Variants in SYT6 observed in about 807,000 individuals in gnomAD.
SYT6 encodes the protein synaptotagmin 6, also known as synaptotagmin-6.
SYT6 carries 24 observed loss-of-function variants against 38.4 expected under a neutral mutation model. The observed-to-expected ratio is 0.62, with a 90% CI of 0.45 to 0.88. The LOEUF (loss-of-function observed/expected upper bound fraction) is 0.88. SYT6 is among the 40% of genes least tolerant of loss of function. SYT6 has a pLI of 0.00. For synonymous variants in SYT6, 265 were observed against 241.9 expected, an observed-to-expected ratio of 1.10 and a Z score of -0.89; for missense variants, 611 against 621.0, an observed-to-expected ratio of 0.98 and a Z score of 0.17.
intron 3 of SYT6, among the ~76,000 whole-genome samples, chr1:114,135,146 G>A (rs536694425): frequency 1.9e-4 from 29 of 152,138 alleles, no homozygotes; most frequent in Non-Finnish European, 4.1e-4. Flanking sequence ...CTGAGCATGG[G>A]TGGGGCTCTG....
chr1:114,132,840 A>G (rs1411468659), intron 3 of SYT6, among the ~76,000 whole-genome samples: 1 of 152,190 alleles, frequency 6.6e-6, no homozygotes, highest in Non-Finnish European at 1.5e-5. Flanking sequence ...TAATAACAAT[A>G]GGACTAGAAG....
intron 1 of SYT6, chr1:114,152,766 C>G (rs1475991781): frequency 2.6e-5 from 4 of 152,244 alleles, no homozygotes; most frequent in Non-Finnish European, 4.4e-5. Flanking sequence ...CGGGACTCAC[C>G]CGCTCCGGCG....
At chr1:114,104,526 G>A (rs934383530) in intron 3 of SYT6, among the ~76,000 whole-genome samples, 23 of 152,280 alleles carry the variant, frequency 1.5e-4, no homozygotes, top group African/African-American at 4.8e-4. Context: ...TTTGATGAAG[G>A]AGGGCGCTGT....
chr1:114,136,238 T>C (rs1678476990), intron 3 of SYT6, among the ~76,000 whole-genome samples: 1 of 152,212 alleles, frequency 6.6e-6, no homozygotes, highest in African/African-American at 2.4e-5. Context: ...AGAGCAGGGC[T>C]GATTTTCCCA....
chr1:114,093,637 C>T, intron 7 of SYT6, 98 bp downstream of exon 7: 5 of 1,171,600 alleles, frequency 4.3e-6, no homozygotes, highest in Non-Finnish European at 6.1e-6. Flanking sequence ...CTTTCCACTC[C>T]ATCCTGCTGC....
rs201262651 is a variant in SYT6, at chr1:114,145,510, T to G, written c.164-5547A>C. On this transcript the variant is annotated intron_variant, in intron 1 of 7. Coordinates refer to ENST00000610222, the MANE Select transcript of SYT6 (RefSeq NM_001253772.2). Reference sequence around the variant, plus strand: ...TATATTGGAGGTATTAAGTTTTTTTTTTTTTTTTTTTTTTTTAACCTGTTA... The same window carrying G: ...TATATTGGAGGTATTAAGTTTTTTTGTTTTTTTTTTTTTTTTAACCTGTTA... Among the ~76,000 whole-genome samples, 34 of 115,586 alleles carry G rather than the reference T, an allele frequency of 2.9e-4. No homozygotes were observed. The East Asian group carries it at 3.1e-3, about 10-fold the overall frequency. 75.8% of individuals were successfully genotyped at this position (115,586 alleles called of 152,430 possible).
chr1:114,150,092 T>C (rs1489833164), intron 1 of SYT6, among the ~76,000 whole-genome samples: 2 of 152,156 alleles, frequency 1.3e-5, no homozygotes, highest in African/African-American at 4.8e-5. Context: ...TAAAGAAACC[T>C]GGTTTGATCC....
chr1:114,127,436 C>T (rs12033068), intron 3 of SYT6, among the ~76,000 whole-genome samples: 58,338 of 152,046 alleles, frequency 0.38, 11,356 homozygotes, highest in East Asian at 0.62. Flanking sequence ...AGCCTTGGCC[C>T]CTTGGGCAGT....
At chr1:114,147,687 A>T (rs1180345167) in intron 1 of SYT6, among the ~76,000 whole-genome samples, 1 of 152,174 alleles carries the variant, frequency 6.6e-6, no homozygotes, top group African/African-American at 2.4e-5. Flanking sequence ...TATCATCTTC[A>T]TTGCTTTCTA....
At chr1:114,144,790 A>T (rs536351350) in intron 1 of SYT6, among the ~76,000 whole-genome samples, 138 of 152,218 alleles carry the variant, frequency 9.1e-4, no homozygotes, top group African/African-American at 3.3e-3. Flanking sequence ...GCCAAGAAGG[A>T]GTTGAGGATA....
At chr1:114,148,970 G>A (rs913379180) in intron 1 of SYT6, among the ~76,000 whole-genome samples, 2 of 152,102 alleles carry the variant, frequency 1.3e-5, no homozygotes, top group African/African-American at 4.8e-5. Flanking sequence ...AAGTTGGAGT[G>A]GGGGCAGGCA....
chr1:114,148,064 C>A lies in SYT6; in HGVS notation c.163+5546G>T, dbSNP rs612868. Among the ~76,000 whole-genome samples, 1,439 of 152,276 alleles carry A rather than the reference C, an allele frequency of 9.4e-3. 24 individuals are homozygous for A. The highest frequency in any genetic ancestry group is 0.033 in the African/African-American group (1,383 of 41,558). On this transcript the variant is annotated intron_variant, in intron 1 of 7. Coordinates refer to ENST00000610222, the MANE Select transcript of SYT6 (RefSeq NM_001253772.2). ...TTCAAGGCCATCAGGATAGGATCTGCTTGTCACCTTAAATGAGACTGTCTG... is the reference window on the plus strand; with the variant it reads ...TTCAAGGCCATCAGGATAGGATCTGATTGTCACCTTAAATGAGACTGTCTG...
rs1444240912 is a variant in SYT6 at position 114,139,722 on chromosome 1, G to A, written c.405C>T (p.Ser135=). 5.0e-6 allele frequency: 8 copies of A among 1,614,196 alleles called. No individual in the cohort carries two copies. Among genetic ancestry groups the A allele is most frequent in the Non-Finnish European group, 6.8e-6 (8 of 1,180,036 alleles). The part of the protein sequence containing the change: ...LGFLEAAVKI[S]HTSPDIPAEV... ...CAGCTGGGATATCTGGGGACGTGTG[G>A]CTGATCTTCACGGCCGCCTCCAGGA... is the stretch of plus-strand genomic sequence containing the variant. Residue 135 remains serine (S), a synonymous_variant, in exon 2 of 8, where the codon AGC becomes AGT. Coordinates refer to ENST00000610222, the MANE Select transcript of SYT6 (RefSeq NM_001253772.2).
At chr1:114,151,878 A>G (rs1198077245) in intron 1 of SYT6, among the ~76,000 whole-genome samples, 1 of 152,162 alleles carries the variant, frequency 6.6e-6, no homozygotes, top group Non-Finnish European at 1.5e-5. Flanking sequence ...TCTCCAAGGC[A>G]GGGAATCAAC....
chr1:114,137,397 A>G, intron 3 of SYT6, 98 bp downstream of exon 3: 1 of 1,375,086 alleles, frequency 7.3e-7, no homozygotes, highest in Admixed American at 2.2e-5. Flanking sequence ...CAAATGGCAA[A>G]GGCCCATTTG....
intron 3 of SYT6, among the ~76,000 whole-genome samples, chr1:114,125,497 G>A (rs904133404): frequency 3.3e-5 from 5 of 152,140 alleles, no homozygotes; most frequent in Non-Finnish European, 2.9e-5. Flanking sequence ...AGAATGAGTA[G>A]GTGTCAATTC....
intron 3 of SYT6, among the ~76,000 whole-genome samples, chr1:114,114,353 G>A (rs1676866666): frequency 6.6e-6 from 1 of 152,210 alleles, no homozygotes; most frequent in Non-Finnish European, 1.5e-5. Context: ...CACGGTGCCT[G>A]GTGTATAACA....
chr1:114,137,356 TG>T, intron 3 of SYT6, 138 bp downstream of exon 3: 1 of 976,038 alleles, frequency 1.0e-6, no homozygotes, highest in Non-Finnish European at 1.5e-6. Flanking sequence ...ACTGGGCCAC[TG>T]GGCAGTTTCC....
intron 3 of SYT6, among the ~76,000 whole-genome samples, chr1:114,115,338 G>A (rs1051735076): frequency 2.6e-5 from 4 of 151,962 alleles, no homozygotes; most frequent in Non-Finnish European, 5.9e-5. Flanking sequence ...TTATTTTGGT[G>A]ATTAAAGCCA....
Sources: gnomAD v4.1 joint callset for allele counts (sites outside exome capture counted in the v4.1 genomes callset) on GRCh38, gnomAD v4.1.1 for gene constraint, MANE v1.5 for transcripts, NCBI Gene and HGNC (gene_info 2026-07-23, HGNC 2026-07-21) for gene names.